COL11A1: variants seen among roughly 807,000 people sequenced by gnomAD.
COL11A1 encodes the protein collagen alpha-1(XI) chain.
A neutral mutation model predicts 265.2 loss-of-function variants in COL11A1; 74 were observed. The observed-to-expected ratio is 0.28, with a 90% CI of 0.23 to 0.34. The LOEUF is 0.34. Among genes scored for constraint, COL11A1 ranks in the 10% least tolerant of loss-of-function variants. The pLI is 1.00. For synonymous variants in COL11A1, 816 were observed against 727.6 expected, an observed-to-expected ratio of 1.12 and a Z score of -1.96; for missense variants, 2,165 against 2,263.6, an observed-to-expected ratio of 0.96 and a Z score of 0.88.
At chr1:103,023,407 T>C (rs376728850) in intron 7 of COL11A1, among the ~76,000 whole-genome samples, 3 of 151,666 alleles carry the variant, frequency 2.0e-5, no homozygotes, top group African/African-American at 7.2e-5. Flanking sequence ...TTCACTCTTG[T>C]TGTGCAAGGG....
intron 1 of COL11A1, among the ~76,000 whole-genome samples, chr1:103,103,394 G>A (rs1299518869): frequency 6.6e-6 from 1 of 151,904 alleles, no homozygotes; most frequent in Admixed American, 6.6e-5. Flanking sequence ...CAACTTTAGA[G>A]AGCATACAAA....
intron 57 of COL11A1, among the ~76,000 whole-genome samples, chr1:102,891,943 A>T (rs2100875343): frequency 6.6e-6 from 1 of 152,282 alleles, no homozygotes; most frequent in South Asian, 2.1e-4. Flanking sequence ...AAATTGTTGT[A>T]CTACAATTTT....
At chr1:102,890,384 G>T in intron 58 of COL11A1, 67 bp downstream of exon 58, 3 of 1,358,636 alleles carry the variant, frequency 2.2e-6, no homozygotes, top group African/African-American at 1.5e-5. Context: ...ATTTTAATCT[G>T]CAAAAGCAGG....
intron 24 of COL11A1, among the ~76,000 whole-genome samples, chr1:102,998,804 A>G (rs1664863431): frequency 1.3e-5 from 2 of 151,922 alleles, no homozygotes; most frequent in South Asian, 4.1e-4. Flanking sequence ...TTATTAAAAT[A>G]TTTTGTGCAA....
chr1:102,958,676 A>C (rs2101543658), intron 41 of COL11A1, among the ~76,000 whole-genome samples: 1 of 152,292 alleles, frequency 6.6e-6, no homozygotes, highest in East Asian at 1.9e-4. Flanking sequence ...GAATAATTTT[A>C]ATTGGTTGAT....
intron 36 of COL11A1, among the ~76,000 whole-genome samples, chr1:102,974,323 G>A (rs1662258966): frequency 6.6e-6 from 1 of 152,056 alleles, no homozygotes; most frequent in Non-Finnish European, 1.5e-5. Context: ...TTCATAAAAG[G>A]GTTAAGATTT....
intron 46 of COL11A1, among the ~76,000 whole-genome samples, chr1:102,928,197 C>T (rs143545111): frequency 2.0e-3 from 297 of 151,936 alleles, no homozygotes; most frequent in African/African-American, 6.2e-3. Context: ...TGTGCTGCAC[C>T]CACTAACTCG....
At chr1:103,070,460 A>G (rs1671493758) in intron 4 of COL11A1, among the ~76,000 whole-genome samples, 1 of 151,820 alleles carries the variant, frequency 6.6e-6, no homozygotes, top group South Asian at 2.1e-4. Context: ...TTAAGTTAAA[A>G]TGAGTGCACC....
intron 52 of COL11A1, 140 bp from the exon 53 acceptor site, chr1:102,913,830 C>G: frequency 1.2e-6 from 1 of 825,512 alleles, no homozygotes; most frequent in Admixed American, 2.4e-5. Context: ...TTCTTTTAAC[C>G]TTTTTTAAAA....
Position 102,946,869 on chromosome 1 carries a change from C to T in COL11A1, c.3256G>A (p.Ala1086Thr). ...CTTACAGGAGCACCTTTCTCTCCAG[C>T]TGGACCAGGAGGACCCTGAGGTCCC... ...RPGPQGPPGP[A>T]GEKGAPGEKG... The change falls in exon 42 of 67, where the codon GCT becomes ACT. Residue 1086 changes from alanine to threonine, a missense_variant. Coordinates refer to ENST00000370096, the MANE Select transcript of COL11A1 (RefSeq NM_001854.4). The T allele has an allele frequency of 6.2e-7, 1 of 1,613,516 alleles. No individual in the cohort carries two copies. Among genetic ancestry groups the T allele is most frequent in the Non-Finnish European group, 8.5e-7 (1 of 1,179,786 alleles).
chr1:102,922,124 A>G (rs1656054920), intron 47 of COL11A1, among the ~76,000 whole-genome samples: 1 of 152,206 alleles, frequency 6.6e-6, no homozygotes, highest in African/African-American at 2.4e-5. Flanking sequence ...TAAAATACTG[A>G]TGCCAGAAAC....
At chr1:103,106,380 A>G (rs1320508991) in intron 1 of COL11A1, among the ~76,000 whole-genome samples, 1 of 152,188 alleles carries the variant, frequency 6.6e-6, no homozygotes, top group East Asian at 1.9e-4. Context: ...GACATGCTGA[A>G]AAAGAAATGG....
rs536782928 is a variant in COL11A1, at chr1:103,108,415, C to T, written c.-237G>A. On this transcript the variant is annotated 5_prime_UTR_variant, in exon 1 of 67. Transcript: ENST00000370096. ...CGGCCGGGACCCTCCGGCCGCGACCCTCTGATCCTTCCTCTGCCGGGCCCT... is the reference window on the plus strand; with the variant it reads ...CGGCCGGGACCCTCCGGCCGCGACCTTCTGATCCTTCCTCTGCCGGGCCCT... The T allele has an allele frequency of 8.2e-6, 5 of 608,676 alleles. No individual in the cohort carries two copies. In the Admixed American group the frequency reaches 1.4e-4, roughly 18 times the overall value. The allele number at this position is 608,676 out of a possible 1,614,324, so 37.7% of individuals were successfully genotyped here. A position where few individuals can be genotyped will look rare whatever the true frequency, so the allele number is the denominator to read the frequency against.
intron 5 of COL11A1, among the ~76,000 whole-genome samples, chr1:103,030,108 T>A (rs900938319): frequency 2.0e-5 from 3 of 152,080 alleles, no homozygotes; most frequent in African/African-American, 7.2e-5. Context: ...AAAACATATT[T>A]GGTGAATCAT....
intron 44 of COL11A1, among the ~76,000 whole-genome samples, chr1:102,935,752 T>G (rs894134488): frequency 4.6e-5 from 7 of 152,168 alleles, no homozygotes; most frequent in Non-Finnish European, 1.0e-4. Context: ...ATTAAAGAAA[T>G]AAAACTGTCA....
intron 30 of COL11A1, among the ~76,000 whole-genome samples, chr1:102,986,463 A>G (rs945872292): frequency 1.3e-5 from 2 of 151,272 alleles, no homozygotes; most frequent in Non-Finnish European, 3.0e-5. Flanking sequence ...ACCTAATGTA[A>G]ATGAAGAGTT....
intron 41 of COL11A1, among the ~76,000 whole-genome samples, chr1:102,960,461 A>C (rs1660787577): frequency 7.7e-6 from 1 of 129,934 alleles, no homozygotes; most frequent in Admixed American, 8.9e-5. Context: ...AAATGGAGAT[A>C]TAATAAAGGT....
At chr1:102,915,908 T>C (rs1212340446) in intron 49 of COL11A1, among the ~76,000 whole-genome samples, 1 of 152,200 alleles carries the variant, frequency 6.6e-6, no homozygotes, top group African/African-American at 2.4e-5. Flanking sequence ...GCTGTAGTTG[T>C]CACTGGTTGG....
At chr1:103,083,360 A>G (rs1002188282) in intron 1 of COL11A1, among the ~76,000 whole-genome samples, 3 of 152,072 alleles carry the variant, frequency 2.0e-5, no homozygotes, top group Non-Finnish European at 4.4e-5. Context: ...TATAATTTAT[A>G]AAATATTTAA....
Sources: gnomAD v4.1 joint callset for allele counts (sites outside exome capture counted in the v4.1 genomes callset) on GRCh38, gnomAD v4.1.1 for gene constraint, MANE v1.5 for transcripts, NCBI Gene and HGNC (gene_info 2026-07-23, HGNC 2026-07-21) for gene names.